The following NRG1 variants were observed in gnomAD, a reference collection of about 807,000 sequenced individuals.
The protein encoded by NRG1 is neuregulin 1.
In NRG1, 18 loss-of-function variants were observed where a neutral mutation model predicts 63.8. The observed-to-expected ratio is 0.28, with a 90% confidence interval of 0.19 to 0.42. The LOEUF is 0.42. Ranked by LOEUF, NRG1 falls within the 10% of genes least tolerant of loss-of-function variation. NRG1 has a pLI of 1.00. For missense variants in NRG1, 762 were observed against 814.7 expected, an observed-to-expected ratio of 0.94 and a Z score of 0.79; for synonymous variants, 302 against 301.3, an observed-to-expected ratio of 1.00 and a Z score of -0.02.
intron 1 of NRG1, among the ~76,000 whole-genome samples, chr8:32,470,970 A>G (rs1314095592): frequency 6.6e-6 from 1 of 152,064 alleles, no homozygotes; most frequent in African/African-American, 2.4e-5. Flanking sequence ...GCTAATTTCT[A>G]AAAAATATAT....
intron 1 of NRG1, among the ~76,000 whole-genome samples, chr8:32,092,895 A>G (rs1829388128): frequency 6.6e-6 from 1 of 152,176 alleles, no homozygotes; most frequent in South Asian, 2.1e-4. Context: ...TTGTGTGACC[A>G]AGTGTTGATC....
chr8:31,974,512 A>G (rs1807834828), intron 1 of NRG1, among the ~76,000 whole-genome samples: 1 of 152,090 alleles, frequency 6.6e-6, no homozygotes, highest in Non-Finnish European at 1.5e-5. Context: ...ATTTTTGTGC[A>G]TTTGTGCCCC....
intron 1 of NRG1, among the ~76,000 whole-genome samples, chr8:31,816,806 A>G (rs1281765521): frequency 6.6e-6 from 1 of 152,184 alleles, no homozygotes; most frequent in Non-Finnish European, 1.5e-5. Context: ...TTGCCTCTTC[A>G]GCCCTAAACA....
chr8:31,699,756 G>A (rs1810448999), intron 1 of NRG1, among the ~76,000 whole-genome samples: 1 of 151,606 alleles, frequency 6.6e-6, no homozygotes, highest in South Asian at 2.1e-4. Context: ...CTAATTATCT[G>A]TGCAAACTGA....
chr8:32,304,895 A>T (rs1856011088), intron 1 of NRG1, among the ~76,000 whole-genome samples: 1 of 152,022 alleles, frequency 6.6e-6, no homozygotes. Flanking sequence ...GGTAGCCCAC[A>T]CCTGTAATCC....
intron 1 of NRG1, among the ~76,000 whole-genome samples, chr8:32,492,560 GATGTCCTT>G (rs1318285083): frequency 6.6e-6 from 1 of 152,082 alleles, no homozygotes; most frequent in East Asian, 1.9e-4. Flanking sequence ...CCTATGGAGA[GATGTCCTT>G]AAGTAACTTA....
At chr8:31,818,456 G>A (rs1823664769) in intron 1 of NRG1, among the ~76,000 whole-genome samples, 1 of 152,106 alleles carries the variant, frequency 6.6e-6, no homozygotes, top group Non-Finnish European at 1.5e-5. Context: ...TATCATGGAA[G>A]GTAATTTTGC....
At chr8:32,730,936 A>G (rs1209840470) in intron 6 of NRG1, among the ~76,000 whole-genome samples, 1 of 152,162 alleles carries the variant, frequency 6.6e-6, no homozygotes, top group East Asian at 1.9e-4. Flanking sequence ...CAGTGTACCC[A>G]TATTATCTAT....
chr8:32,343,970 A>G (rs752038771), intron 1 of NRG1, among the ~76,000 whole-genome samples: 1 of 152,234 alleles, frequency 6.6e-6, no homozygotes, highest in Non-Finnish European at 1.5e-5. Flanking sequence ...AAAATGCTCA[A>G]TCTTCCATGC....
chr8:31,806,023 C>T (rs1822248749), intron 1 of NRG1, among the ~76,000 whole-genome samples: 1 of 151,998 alleles, frequency 6.6e-6, no homozygotes. Flanking sequence ...AATAAAGACA[C>T]ATAACCAGAG....
At chr8:32,634,120 G>GAAAAAAAAAAAAAAAAAAAAAAA (rs1563814503) in intron 5 of NRG1, among the ~76,000 whole-genome samples, 3 of 97,728 alleles carry the variant, frequency 3.1e-5, no homozygotes, top group African/African-American at 1.6e-4. Context: ...AAAAAAAAAG[G>GAAAAAAAAAAAAAAAAAAAAAAA]TTGCATAAAG....
At chr8:32,619,710 A>G (rs1169905155) in intron 5 of NRG1, among the ~76,000 whole-genome samples, 1 of 152,148 alleles carries the variant, frequency 6.6e-6, no homozygotes, top group Non-Finnish European at 1.5e-5. Context: ...TTGGTTTTTA[A>G]CTTTTGGTGT....
intron 1 of NRG1, among the ~76,000 whole-genome samples, chr8:31,794,075 A>T (rs1820967553): frequency 6.6e-6 from 1 of 152,158 alleles, no homozygotes; most frequent in Admixed American, 6.5e-5. Flanking sequence ...TTAAAGTAAA[A>T]CCATAAAGAA....
At chr8:32,536,326 G>C (rs1831962006) in intron 1 of NRG1, among the ~76,000 whole-genome samples, 1 of 152,126 alleles carries the variant, frequency 6.6e-6, no homozygotes, top group South Asian at 2.1e-4. Flanking sequence ...GCAGCTCCAA[G>C]CTCTCAGACG....
chr8:31,903,926 G>A (rs951560695), intron 1 of NRG1, among the ~76,000 whole-genome samples: 1 of 152,070 alleles, frequency 6.6e-6, no homozygotes, highest in Non-Finnish European at 1.5e-5. Context: ...ACTCCAGCCT[G>A]GGTGACAAGA....
Position 31,982,528 on chromosome 8 carries a change from TG to T in NRG1, c.37+343098del, listed in dbSNP as rs1563645909. ...TAGAACAGGAAGTGCTGAAAGAGCA[TG>T]TTTCTGCACATTTAGAATTAAGAGG... On this transcript the variant is annotated intron_variant, in intron 1 of 10. Transcript: ENST00000519301. Among the ~76,000 whole-genome samples the T allele has an allele frequency of 6.9e-3, 1,045 of 152,170 alleles. 15 individuals are homozygous for T. The highest frequency in any genetic ancestry group is 0.024 in the African/African-American group (981 of 41,524).
At chr8:32,565,339 T>G (rs11774911) in intron 1 of NRG1, among the ~76,000 whole-genome samples, 30,307 of 152,084 alleles carry the variant, frequency 0.2, 3,814 homozygotes, top group Admixed American at 0.33. Flanking sequence ...TCTAGGCTGC[T>G]CTCAAACTCC....
intron 6 of NRG1, among the ~76,000 whole-genome samples, chr8:32,730,346 G>A (rs965598950): frequency 6.6e-6 from 1 of 152,006 alleles, no homozygotes; most frequent in African/African-American, 2.4e-5. Flanking sequence ...CCAACTATTC[G>A]GGAGGCTAAG....
chr8:31,819,993 A>G (rs1277478504), intron 1 of NRG1, among the ~76,000 whole-genome samples: 4 of 152,184 alleles, frequency 2.6e-5, no homozygotes, highest in Non-Finnish European at 5.9e-5. Context: ...AATATGTCCA[A>G]TAAACCGTAT....
Sources: allele counts gnomAD v4.1 joint callset (sites outside exome capture counted in the v4.1 genomes callset), GRCh38; gene constraint gnomAD v4.1.1; transcripts MANE v1.5; gene names NCBI Gene and HGNC (gene_info 2026-07-23, HGNC 2026-07-21).